Variants in VTI1A observed in about 807,000 individuals in gnomAD.
The protein encoded by VTI1A is vesicle transport through interaction with t-SNAREs 1A, also known as vesicle transport through interaction with t-SNAREs homolog 1A.
In VTI1A, 22 loss-of-function variants were observed where a neutral mutation model predicts 34.9. That is an observed-to-expected ratio of 0.63 (90% CI 0.45 to 0.90). The LOEUF (loss-of-function observed/expected upper bound fraction) is 0.90, where lower values mean the gene tolerates loss of function less well. Ranked by LOEUF, VTI1A falls within the 40% of genes least tolerant of loss-of-function variation. VTI1A has a pLI of 0.00. For synonymous variants in VTI1A, 87 were observed against 97.3 expected (o/e 0.89, Z 0.62); for missense variants, 268 against 275.6 (o/e 0.97, Z 0.20).
intron 5 of VTI1A, among the ~76,000 whole-genome samples, chr10:112,661,265 A>T (rs374125169): frequency 1.3e-4 from 20 of 152,138 alleles, no homozygotes; most frequent in African/African-American, 4.6e-4. Flanking sequence ...TTATAGGCAC[A>T]TACCATCACC....
At chr10:112,705,670 T>G (rs79007922) in intron 7 of VTI1A, among the ~76,000 whole-genome samples, 5 of 152,142 alleles carry the variant, frequency 3.3e-5, no homozygotes, top group Admixed American at 6.5e-5. Flanking sequence ...GGAAATGTCC[T>G]TCTTAGCTTT....
intron 3 of VTI1A, among the ~76,000 whole-genome samples, chr10:112,495,991 A>C (rs962835223): frequency 3.3e-5 from 5 of 152,242 alleles, no homozygotes; most frequent in South Asian, 2.1e-4. Context: ...GATTGTCAGC[A>C]TGATGGTCAC....
chr10:112,818,787 T>A (rs1853595593), downstream of VTI1A: 1 of 164,838 alleles, frequency 6.1e-6, no homozygotes, highest in Admixed American at 7.4e-5. Context: ...ATTTAAACAT[T>A]AGCTGTGTCA....
chr10:112,559,624 G>C (rs533533397), intron 5 of VTI1A, among the ~76,000 whole-genome samples: 11 of 152,030 alleles, frequency 7.2e-5, no homozygotes, highest in Non-Finnish European at 1.5e-5. Context: ...GCACAGCCAC[G>C]TTTCCACAGT....
chr10:112,851,627 G>T, the VTI1A span, among the ~76,000 whole-genome samples: 5 of 152,192 alleles, frequency 3.3e-5, no homozygotes, highest in Non-Finnish European at 7.3e-5. Context: ...CCAGGAAAAA[G>T]AAACCAGAAA....
the VTI1A span, among the ~76,000 whole-genome samples, chr10:112,853,340 T>C: frequency 1.3e-5 from 2 of 152,216 alleles, no homozygotes; most frequent in African/African-American, 4.8e-5. Context: ...TGAGTTTCTG[T>C]TGCTTGCAGC....
At chr10:112,808,260 C>G (rs534032549) in intron 7 of VTI1A, among the ~76,000 whole-genome samples, 1 of 151,840 alleles carries the variant, frequency 6.6e-6, no homozygotes, top group African/African-American at 2.4e-5. Flanking sequence ...CAAATAAGAT[C>G]ACATTCTGAG....
At chr10:112,477,875 C>G (rs1357119386) in intron 3 of VTI1A, among the ~76,000 whole-genome samples, 1 of 152,028 alleles carries the variant, frequency 6.6e-6, no homozygotes, top group African/African-American at 2.4e-5. Flanking sequence ...TTCTACAAAC[C>G]TAGTCTACAA....
At chr10:112,719,550 T>A (rs1849725095) in intron 7 of VTI1A, among the ~76,000 whole-genome samples, 1 of 147,432 alleles carries the variant, frequency 6.8e-6, no homozygotes, top group African/African-American at 2.5e-5. Context: ...TTGTAGAACT[T>A]TTTTTTTTTT....
the VTI1A span, among the ~76,000 whole-genome samples, chr10:112,844,985 C>T: frequency 6.6e-6 from 1 of 152,212 alleles, no homozygotes; most frequent in African/African-American, 2.4e-5. Flanking sequence ...TTCTGTTCCT[C>T]TTCCCGCTGC....
At chr10:112,721,691 G>A (rs957907222) in intron 7 of VTI1A, among the ~76,000 whole-genome samples, 1 of 152,016 alleles carries the variant, frequency 6.6e-6, no homozygotes, top group Non-Finnish European at 1.5e-5. Flanking sequence ...ATGTGCTGTT[G>A]GGCACTCATT....
chr10:112,465,240 C>T (rs1041541532), intron 3 of VTI1A, among the ~76,000 whole-genome samples: 4 of 150,516 alleles, frequency 2.7e-5, no homozygotes, highest in African/African-American at 5.0e-5. Flanking sequence ...GGCTTTCAAC[C>T]GTATCTGCTT....
chr10:112,584,465 A>G (rs953283966), intron 5 of VTI1A, among the ~76,000 whole-genome samples: 23 of 152,196 alleles, frequency 1.5e-4, no homozygotes, highest in Non-Finnish European at 3.2e-4. Context: ...ACAAAGTAAT[A>G]TATTGTGGGT....
intron 5 of VTI1A, among the ~76,000 whole-genome samples, chr10:112,575,723 T>C (rs1298458893): frequency 2.0e-5 from 3 of 152,230 alleles, no homozygotes; most frequent in Non-Finnish European, 4.4e-5. Context: ...CACTATGTTA[T>C]TCTTGTTATG....
intron 7 of VTI1A, among the ~76,000 whole-genome samples, chr10:112,694,281 GCTGCTTGA>G (rs1848706066): frequency 6.6e-6 from 1 of 151,998 alleles, no homozygotes; most frequent in Admixed American, 6.6e-5. Flanking sequence ...AAGCCTTAAA[GCTGCTTGA>G]GGGCAAGGGA....
At chr10:112,730,724 A>G (rs1850222053) in intron 7 of VTI1A, among the ~76,000 whole-genome samples, 1 of 152,038 alleles carries the variant, frequency 6.6e-6, no homozygotes, top group African/African-American at 2.4e-5. Context: ...CCACCGTATA[A>G]TAAATCCAGT....
chr10:112,737,773 CAAA>C, intron 7 of VTI1A: 1 of 882,208 alleles, frequency 1.1e-6, no homozygotes, highest in Non-Finnish European at 1.4e-6. Flanking sequence ...TTCTGGAGAT[CAAA>C]AAAAAAAATT....
rs187797292 is a variant in VTI1A at position 112,453,448 on chromosome 10, T to A, written c.94+5981T>A. ...GCCAAGTAATTACGTGAATTATTTG[T>A]AATTCTTTTATGTAAGAGAGATTTA... On this transcript the variant is annotated intron_variant, in intron 1 of 7. Transcript: ENST00000393077. 3.4e-3 allele frequency among the ~76,000 whole-genome samples: 483 copies of A among 141,810 alleles called. 3 individuals are homozygous for A. The highest frequency in any genetic ancestry group is 5.6e-3 in the Non-Finnish European group (365 of 64,702). The allele number at this position is 141,810 out of a possible 152,430, so 93.0% of individuals were successfully genotyped here.
the VTI1A span, chr10:112,826,169 T>C: frequency 6.6e-6 from 1 of 152,170 alleles, no homozygotes; most frequent in Non-Finnish European, 1.5e-5. Context: ...GTAAACTAGA[T>C]CATTAACACT....
Sources: allele counts gnomAD v4.1 joint callset (sites outside exome capture counted in the v4.1 genomes callset), GRCh38; gene constraint gnomAD v4.1.1; transcripts MANE v1.5; gene names NCBI Gene and HGNC (gene_info 2026-07-23, HGNC 2026-07-21).